Variants in GRIP1 observed in about 807,000 individuals in gnomAD.
The protein encoded by GRIP1 is glutamate receptor interacting protein 1, also known as glutamate receptor-interacting protein 1.
GRIP1 carries 45 observed loss-of-function variants against 129.9 expected under a neutral mutation model. The ratio of observed to expected loss-of-function variants is 0.35; its 90% confidence interval spans 0.27 to 0.44. GRIP1 has a LOEUF of 0.44. Among genes scored for constraint, GRIP1 ranks in the 20% least tolerant of loss-of-function variants. The probability of loss-of-function intolerance (pLI) is 1.00; values close to 1 mark genes in which losing one functional copy is unlikely to be tolerated. For synonymous variants in GRIP1, 530 were observed against 520.8 expected (o/e 1.02, Z -0.24); for missense variants, 1,196 against 1,396.8 (o/e 0.86, Z 2.29).
chr12:66,602,928 G>A (rs958048043), intron 1 of GRIP1, among the ~76,000 whole-genome samples: 1 of 135,936 alleles, frequency 7.4e-6, no homozygotes, highest in African/African-American at 2.8e-5. Context: ...ATATGATCGT[G>A]GCTCACTGCA....
At chr12:66,783,695 G>A (rs1431243473) in intron 1 of GRIP1, among the ~76,000 whole-genome samples, 2 of 152,022 alleles carry the variant, frequency 1.3e-5, no homozygotes, top group African/African-American at 2.4e-5. Context: ...TTAAGATAAG[G>A]TATTCTAAAT....
chr12:66,874,175 T>C (rs1191228924), intron 1 of GRIP1, among the ~76,000 whole-genome samples: 2 of 152,082 alleles, frequency 1.3e-5, no homozygotes, highest in Non-Finnish European at 2.9e-5. Context: ...AAAGTACCAA[T>C]CCTTTTCAGA....
At chr12:66,566,353 C>G (rs2062756909) in intron 2 of GRIP1, among the ~76,000 whole-genome samples, 1 of 152,104 alleles carries the variant, frequency 6.6e-6, no homozygotes, top group African/African-American at 2.4e-5. Context: ...TGTCAAAGGC[C>G]TTTTCTGCAT....
intron 7 of GRIP1, among the ~76,000 whole-genome samples, chr12:66,497,490 G>C (rs1013919690): frequency 2.6e-5 from 4 of 152,160 alleles, no homozygotes; most frequent in Non-Finnish European, 1.5e-5. Flanking sequence ...CTTAAAACAA[G>C]AGCATTGGGA....
At chr12:66,853,127 A>G (rs986063403) in intron 1 of GRIP1, among the ~76,000 whole-genome samples, 3 of 151,634 alleles carry the variant, frequency 2.0e-5, no homozygotes, top group Non-Finnish European at 4.4e-5. Flanking sequence ...AAACGTGAGG[A>G]GCTTTTTCTT....
At chr12:66,355,265 G>A (rs1370478503) in intron 23 of GRIP1, among the ~76,000 whole-genome samples, 1 of 152,190 alleles carries the variant, frequency 6.6e-6, no homozygotes, top group South Asian at 2.1e-4. Context: ...CTATGCGTCA[G>A]GGACTGTTTT....
At chr12:66,423,619 A>T (rs531040143) in intron 14 of GRIP1, among the ~76,000 whole-genome samples, 9 of 152,310 alleles carry the variant, frequency 5.9e-5, no homozygotes, top group African/African-American at 1.9e-4. Context: ...CAACTATGAG[A>T]CAAGCGCCTC....
At chr12:66,743,344 G>A (rs564182436) in intron 1 of GRIP1, among the ~76,000 whole-genome samples, 9 of 152,210 alleles carry the variant, frequency 5.9e-5, no homozygotes, top group African/African-American at 2.2e-4. Flanking sequence ...TTAAGTCTGG[G>A]TGGTAGCAGG....
At chr12:66,827,351 T>TA (rs2039431306) in intron 1 of GRIP1, among the ~76,000 whole-genome samples, 1 of 147,256 alleles carries the variant, frequency 6.8e-6, no homozygotes, top group Non-Finnish European at 1.5e-5. Flanking sequence ...GTTGCTCACT[T>TA]ACTCAAAACC....
intron 11 of GRIP1, among the ~76,000 whole-genome samples, chr12:66,447,651 T>C (rs2058670069): frequency 2.0e-5 from 3 of 152,160 alleles, no homozygotes; most frequent in African/African-American, 4.8e-5. Context: ...CCCCTTTTAG[T>C]GTTTTTAATA....
rs58118485 is a variant in GRIP1 at position 66,355,261 on chromosome 12, G to A, written c.3013-1698C>T. On this transcript the variant is annotated intron_variant, in intron 23 of 24. Transcript: ENST00000359742. ...GCACACACACTGGACACTACTATGC[G>A]TCAGGGACTGTTTTAGGGACTGAGG... Among the ~76,000 whole-genome samples, 998 of 152,238 alleles carry A rather than the reference G, an allele frequency of 6.6e-3. 30 individuals carry two copies. The East Asian group carries it at 0.081, about 12-fold the overall frequency.
At chr12:66,385,634 G>A (rs943918432) in intron 19 of GRIP1, among the ~76,000 whole-genome samples, 3 of 151,532 alleles carry the variant, frequency 2.0e-5, no homozygotes, top group Non-Finnish European at 4.4e-5. Context: ...TTTAGACACA[G>A]AATCTCACTC....
chr12:66,601,704 T>C (rs2064285931), intron 1 of GRIP1, among the ~76,000 whole-genome samples: 2 of 152,182 alleles, frequency 1.3e-5, no homozygotes, highest in Admixed American at 6.5e-5. Context: ...ATTATGACCA[T>C]TTCCCAGCAG....
chr12:66,521,288 T>A (rs1202780606), intron 5 of GRIP1, among the ~76,000 whole-genome samples: 3 of 152,248 alleles, frequency 2.0e-5, no homozygotes, highest in Non-Finnish European at 4.4e-5. Flanking sequence ...ATTTGTTAAG[T>A]GACTGGCACA....
chr12:66,594,138 G>A (rs1296294489), intron 2 of GRIP1, among the ~76,000 whole-genome samples: 2 of 150,822 alleles, frequency 1.3e-5, no homozygotes, highest in African/African-American at 4.9e-5. Flanking sequence ...AGCTGGGACA[G>A]GTCAATGGCC....
intron 7 of GRIP1, among the ~76,000 whole-genome samples, chr12:66,467,721 G>A (rs1238842042): frequency 6.6e-6 from 1 of 152,220 alleles, no homozygotes; most frequent in Admixed American, 6.5e-5. Flanking sequence ...TGTTCCTTAA[G>A]CACGCTGCAT....
intron 5 of GRIP1, among the ~76,000 whole-genome samples, chr12:66,519,798 G>T (rs898806702): frequency 6.6e-6 from 1 of 152,210 alleles, no homozygotes; most frequent in African/African-American, 2.4e-5. Flanking sequence ...AGCAGCATAT[G>T]TTAAATGACT....
At chr12:66,985,726 C>T (rs1162433126) in intron 1 of GRIP1, among the ~76,000 whole-genome samples, 1 of 152,164 alleles carries the variant, frequency 6.6e-6, no homozygotes, top group African/African-American at 2.4e-5. Context: ...TTTTCAGTAA[C>T]ACCTACTACC....
intron 1 of GRIP1, among the ~76,000 whole-genome samples, chr12:66,885,590 C>T (rs1001328430): frequency 2.0e-5 from 3 of 152,276 alleles, no homozygotes; most frequent in South Asian, 2.1e-4. Context: ...TCACAGATCA[C>T]GGACACTTTA....
Sources: allele counts gnomAD v4.1 joint callset (sites outside exome capture counted in the v4.1 genomes callset), GRCh38; gene constraint gnomAD v4.1.1; transcripts MANE v1.5; gene names NCBI Gene and HGNC (gene_info 2026-07-23, HGNC 2026-07-21).